The following ARHGAP15 variants were observed in gnomAD, a reference collection of about 807,000 sequenced individuals.
The protein encoded by ARHGAP15 is Rho GTPase activating protein 15.
ARHGAP15 carries 51 observed loss-of-function variants against 63.7 expected under a neutral mutation model. The observed-to-expected ratio is 0.80, with a 90% confidence interval of 0.64 to 1.01. The LOEUF (loss-of-function observed/expected upper bound fraction) is 1.01, where lower values mean the gene tolerates loss of function less well. Ranked by LOEUF, ARHGAP15 falls within the 50% of genes least tolerant of loss-of-function variation. The pLI is 0.00. For synonymous variants in ARHGAP15, 191 were observed against 193.8 expected (o/e 0.99, Z 0.12); for missense variants, 560 against 564.6 (o/e 0.99, Z 0.08).
At chr2:143,471,000 GTA>G (rs1691519129) in intron 8 of ARHGAP15, among the ~76,000 whole-genome samples, 1 of 98,410 alleles carries the variant, frequency 1.0e-5, no homozygotes, top group Admixed American at 1.0e-4. Flanking sequence ...ATACATGTGT[GTA>G]TAGATAAAGA....
At chr2:143,375,491 A>G (rs1446602190) in intron 6 of ARHGAP15, among the ~76,000 whole-genome samples, 1 of 152,054 alleles carries the variant, frequency 6.6e-6, no homozygotes, top group East Asian at 1.9e-4. Context: ...AGAAAAATAT[A>G]CTCTCTTGCA....
intron 12 of ARHGAP15, among the ~76,000 whole-genome samples, chr2:143,624,964 G>T (rs550186241): frequency 5.3e-5 from 8 of 151,942 alleles, no homozygotes; most frequent in Admixed American, 6.6e-5. Context: ...ATGAATGAAT[G>T]AATCAATGAA....
intron 6 of ARHGAP15, among the ~76,000 whole-genome samples, chr2:143,415,358 G>T (rs957960945): frequency 1.3e-5 from 2 of 151,252 alleles, no homozygotes; most frequent in Non-Finnish European, 2.9e-5. Context: ...ATACTACAAA[G>T]AACATAAAAA....
At chr2:143,688,764 CA>C (rs985831396) in intron 12 of ARHGAP15, among the ~76,000 whole-genome samples, 9 of 152,206 alleles carry the variant, frequency 5.9e-5, no homozygotes, top group Non-Finnish European at 1.2e-4. Context: ...CCTATAAATT[CA>C]AAAGATACTG....
intron 6 of ARHGAP15, among the ~76,000 whole-genome samples, chr2:143,278,497 C>T (rs1269005648): frequency 6.6e-6 from 1 of 152,120 alleles, no homozygotes; most frequent in Non-Finnish European, 1.5e-5. Context: ...GAGTAGGTAA[C>T]TGAGAATGCC....
intron 12 of ARHGAP15, among the ~76,000 whole-genome samples, chr2:143,624,720 T>C (rs1363013366): frequency 6.6e-6 from 1 of 152,202 alleles, no homozygotes; most frequent in Non-Finnish European, 1.5e-5. Context: ...GTTCTCTTGG[T>C]TCACTCACCC....
intron 6 of ARHGAP15, among the ~76,000 whole-genome samples, chr2:143,347,999 C>A (rs1291603851): frequency 6.6e-6 from 1 of 152,122 alleles, no homozygotes; most frequent in Non-Finnish European, 1.5e-5. Context: ...GAGTGATGAT[C>A]ATGGACACTC....
At chr2:143,447,688 G>T (rs966324946) in intron 8 of ARHGAP15, among the ~76,000 whole-genome samples, 1 of 152,180 alleles carries the variant, frequency 6.6e-6, no homozygotes, top group Admixed American at 6.6e-5. Context: ...GTGGTGTTCA[G>T]AATTATTAGC....
chr2:143,416,837 G>T (rs971947609), intron 6 of ARHGAP15, among the ~76,000 whole-genome samples: 1 of 59,506 alleles, frequency 1.7e-5, no homozygotes, highest in Admixed American at 1.6e-4. Flanking sequence ...CCACCCCCAC[G>T]CCCCCACGCC....
At chr2:143,638,200 A>G (rs1476288950) in intron 12 of ARHGAP15, among the ~76,000 whole-genome samples, 9 of 145,448 alleles carry the variant, frequency 6.2e-5, no homozygotes, top group Non-Finnish European at 1.4e-4. Context: ...ACACATGCAC[A>G]CGTATGTTTA....
At chr2:143,653,441 T>C (rs1681274826) in intron 12 of ARHGAP15, among the ~76,000 whole-genome samples, 1 of 152,134 alleles carries the variant, frequency 6.6e-6, no homozygotes, top group Admixed American at 6.6e-5. Flanking sequence ...AGAAATTCAA[T>C]TTCTCTAATA....
chr2:143,142,169 A>G (rs890744601), intron 1 of ARHGAP15, among the ~76,000 whole-genome samples: 10 of 152,100 alleles, frequency 6.6e-5, no homozygotes, highest in Non-Finnish European at 5.9e-5. Flanking sequence ...GCCCAACAAC[A>G]TATGTCTGTG....
chr2:143,341,229 T>A (rs1685045097), intron 6 of ARHGAP15, among the ~76,000 whole-genome samples: 1 of 152,132 alleles, frequency 6.6e-6, no homozygotes, highest in Non-Finnish European at 1.5e-5. Context: ...ATCCCCTTTT[T>A]CTTTCGTATT....
intron 6 of ARHGAP15, among the ~76,000 whole-genome samples, chr2:143,435,028 T>G (rs983850836): frequency 6.6e-6 from 1 of 152,118 alleles, no homozygotes; most frequent in Non-Finnish European, 1.5e-5. Flanking sequence ...ATATACTCCT[T>G]TTGTGGGGAA....
chr2:143,308,632 C>T (rs566689247), intron 6 of ARHGAP15, among the ~76,000 whole-genome samples: 2 of 152,058 alleles, frequency 1.3e-5, no homozygotes, highest in African/African-American at 4.8e-5. Context: ...GAACAAGCAT[C>T]CCTGGTAACC....
chr2:143,286,380 A>G (rs1204662175), intron 6 of ARHGAP15, among the ~76,000 whole-genome samples: 1 of 152,200 alleles, frequency 6.6e-6, no homozygotes, highest in Admixed American at 6.5e-5. Context: ...TCCATTTTAC[A>G]CACATAAAAT....
chr2:143,249,638 CTTT>C (rs1321382521), intron 5 of ARHGAP15, among the ~76,000 whole-genome samples: 1 of 152,014 alleles, frequency 6.6e-6, no homozygotes, highest in Admixed American at 6.6e-5. Context: ...AACTGGTAAA[CTTT>C]TTAAAAAATA....
intron 6 of ARHGAP15, among the ~76,000 whole-genome samples, chr2:143,290,504 T>TC (rs1303705066): frequency 3.3e-5 from 5 of 151,738 alleles, no homozygotes; most frequent in African/African-American, 1.2e-4. Context: ...TATTGCCAAA[T>TC]CTTCTGGTCT....
chr2:143,219,604 G>T (rs1692905862), intron 4 of ARHGAP15, among the ~76,000 whole-genome samples: 1 of 152,180 alleles, frequency 6.6e-6, no homozygotes, highest in South Asian at 2.1e-4. Flanking sequence ...TCAGTGGTAA[G>T]TCACATACAT....
Sources: gnomAD v4.1 joint callset for allele counts (sites outside exome capture counted in the v4.1 genomes callset) on GRCh38, gnomAD v4.1.1 for gene constraint, MANE v1.5 for transcripts, NCBI Gene and HGNC (gene_info 2026-07-23, HGNC 2026-07-21) for gene names.